ANKFN1: variants seen among roughly 807,000 people sequenced by gnomAD.
The protein encoded by ANKFN1 is ankyrin repeat and fibronectin type III domain containing 1.
A neutral mutation model predicts 108.7 loss-of-function variants in ANKFN1; 74 were observed. The observed-to-expected ratio is 0.68, with a 90% CI of 0.56 to 0.83. The LOEUF is 0.83. Among genes scored for constraint, ANKFN1 ranks in the 40% least tolerant of loss-of-function variants. The pLI is 0.00. For synonymous variants in ANKFN1, 547 were observed against 516.2 expected (o/e 1.06, Z -0.81); for missense variants, 1,505 against 1,382.3 (o/e 1.09, Z -1.41).
rs539926914 is a variant in ANKFN1, at chr17:56,096,334, C to A, written c.288+50009C>A. Reference sequence around the variant, plus strand: ...GTTAGTTACCATTCTCTCATGTTTTCATTTCTCAGTATCTTCTGCCTGCCT... The same window carrying A: ...GTTAGTTACCATTCTCTCATGTTTTAATTTCTCAGTATCTTCTGCCTGCCT... On this transcript the variant is annotated intron_variant, in intron 4 of 12. Transcript: ENST00000635860. 5.3e-5 allele frequency among the ~76,000 whole-genome samples: 8 copies of A among 152,302 alleles called. No individual in the cohort carries two copies. In the South Asian group the frequency reaches 1.7e-3, roughly 32 times the overall value.
At chr17:56,167,259 GTGTA>G (rs1910207147) in intron 1 of ANKFN1, among the ~76,000 whole-genome samples, 1 of 82,120 alleles carries the variant, frequency 1.2e-5, no homozygotes, top group Non-Finnish European at 2.5e-5. Flanking sequence ...ATGTATGTGT[GTGTA>G]TATATATATA....
At chr17:56,095,145 A>T (rs1331704125) in intron 4 of ANKFN1, among the ~76,000 whole-genome samples, 1 of 151,066 alleles carries the variant, frequency 6.6e-6, no homozygotes, top group East Asian at 1.9e-4. Flanking sequence ...CTACATCAAC[A>T]CTTGCCCAAA....
intron 3 of ANKFN1, among the ~76,000 whole-genome samples, chr17:56,283,659 G>A (rs2044144152): frequency 2.0e-5 from 3 of 152,014 alleles, no homozygotes; most frequent in Admixed American, 1.3e-4. Flanking sequence ...AACATCATAT[G>A]TTCTCACTCA....
intron 3 of ANKFN1, among the ~76,000 whole-genome samples, chr17:56,271,968 C>A (rs1294869852): frequency 6.6e-6 from 1 of 152,040 alleles, no homozygotes; most frequent in African/African-American, 2.4e-5. Context: ...AAAGGGTACC[C>A]AATAAATAGT....
intron 3 of ANKFN1, among the ~76,000 whole-genome samples, chr17:56,325,001 G>T (rs1260128765): frequency 6.6e-6 from 1 of 152,080 alleles, no homozygotes; most frequent in African/African-American, 2.4e-5. Context: ...GTCATTTCCA[G>T]GATTCTAAGC....
intron 1 of ANKFN1, among the ~76,000 whole-genome samples, chr17:56,206,288 T>C (rs1055510514): frequency 4.6e-5 from 7 of 152,330 alleles, no homozygotes; most frequent in Admixed American, 3.3e-4. Flanking sequence ...TTATTTTCCA[T>C]TATATCATGA....
At chr17:56,442,291 A>G (rs2049131116) in intron 9 of ANKFN1, among the ~76,000 whole-genome samples, 1 of 152,244 alleles carries the variant, frequency 6.6e-6, no homozygotes, top group Non-Finnish European at 1.5e-5. Context: ...GGGACTGGTT[A>G]AATACATGAT....
At chr17:56,128,324 G>A (rs1275629600) in intron 4 of ANKFN1, among the ~76,000 whole-genome samples, 1 of 151,864 alleles carries the variant, frequency 6.6e-6, no homozygotes, top group African/African-American at 2.4e-5. Flanking sequence ...TCTTTGCTAA[G>A]ATTACAAAAT....
chr17:56,243,644 C>T (rs1300247441), intron 3 of ANKFN1, among the ~76,000 whole-genome samples: 2 of 152,082 alleles, frequency 1.3e-5, no homozygotes, highest in African/African-American at 2.4e-5. Flanking sequence ...AATTCTAGTC[C>T]TTCCTAGCCC....
intron 3 of ANKFN1, among the ~76,000 whole-genome samples, chr17:56,231,289 T>A (rs546732015): frequency 8.5e-5 from 13 of 152,306 alleles, no homozygotes; most frequent in African/African-American, 2.9e-4. Flanking sequence ...GTTTGTGTAA[T>A]TTAGCTCAAG....
chr17:56,462,829 C>A (rs1387122882), intron 14 of ANKFN1, among the ~76,000 whole-genome samples: 1 of 152,204 alleles, frequency 6.6e-6, no homozygotes, highest in South Asian at 2.1e-4. Flanking sequence ...ACTTTCCATA[C>A]TTTGGCCAGA....
intron 1 of ANKFN1, among the ~76,000 whole-genome samples, chr17:56,168,110 T>G (rs574972599): frequency 6.6e-6 from 1 of 152,062 alleles, no homozygotes; most frequent in Non-Finnish European, 1.5e-5. Flanking sequence ...CTACTAAAAA[T>G]ACAAAAATTA....
chr17:56,149,143 G>A (rs1370596501), upstream of ANKFN1, among the ~76,000 whole-genome samples: 3 of 152,084 alleles, frequency 2.0e-5, no homozygotes, highest in Non-Finnish European at 2.9e-5. Flanking sequence ...TGGGTGAGAG[G>A]GGGTAGTCTT....
At chr17:56,489,210 T>A (rs981935556) in intron 18 of ANKFN1, among the ~76,000 whole-genome samples, 3 of 152,086 alleles carry the variant, frequency 2.0e-5, no homozygotes, top group Admixed American at 6.6e-5. Context: ...GGGAGAAAAA[T>A]ACCATAGAAA....
chr17:56,440,329 G>C lies in ANKFN1; in HGVS notation c.913G>C (p.Glu305Gln), dbSNP rs1348153278. 2 of 1,607,298 alleles carry C rather than the reference G, an allele frequency of 1.2e-6. No individual in the cohort carries two copies. The highest frequency in any genetic ancestry group is 2.2e-5 in the South Asian group (2 of 90,566). Residue 305 changes from glutamate (E) to glutamine (Q), a missense_variant and splice_region_variant, in exon 9 of 21, where the codon GAA becomes CAA. Coordinates refer to ENST00000682825, the MANE Select transcript of ANKFN1 (RefSeq NM_001370326.1). ...NAAVVTRYKV[E>Q]WSMSEDFSPL... is the part of the protein sequence containing the mutation. ...CCCTGCCCCCCTACTCCCTCCAGTG[G>C]AATGGAGTATGTCCGAAGACTTTTC... is the stretch of plus-strand genomic sequence containing the variant.
At chr17:56,103,163 G>A (rs1905680330) in intron 4 of ANKFN1, among the ~76,000 whole-genome samples, 1 of 152,192 alleles carries the variant, frequency 6.6e-6, no homozygotes, top group Non-Finnish European at 1.5e-5. Context: ...CAGCACTGAA[G>A]GAGAGAGTGA....
At chr17:56,149,367 G>T (rs762572821), upstream of ANKFN1, among the ~76,000 whole-genome samples, 1 of 152,122 alleles carries the variant, frequency 6.6e-6, no homozygotes, top group African/African-American at 2.4e-5. Flanking sequence ...GGATGAGTAA[G>T]CTCTGTAGAA....
At chr17:56,453,019 T>C (rs2049546397) in intron 11 of ANKFN1, among the ~76,000 whole-genome samples, 2 of 152,162 alleles carry the variant, frequency 1.3e-5, no homozygotes, top group Admixed American at 1.3e-4. Context: ...GTTAAAACAG[T>C]TTTATTATTT....
At chr17:56,497,243 G>A (rs2051226806) in intron 19 of ANKFN1, among the ~76,000 whole-genome samples, 1 of 152,120 alleles carries the variant, frequency 6.6e-6, no homozygotes, top group South Asian at 2.1e-4. Flanking sequence ...CCAGACTTTA[G>A]ATTTCTCCCT....
Sources: allele counts gnomAD v4.1 joint callset (sites outside exome capture counted in the v4.1 genomes callset), GRCh38; gene constraint gnomAD v4.1.1; transcripts MANE v1.5; gene names NCBI Gene and HGNC (gene_info 2026-07-23, HGNC 2026-07-21).